Variants in RYR3 observed in about 807,000 individuals in gnomAD.
RYR3 encodes the protein brain ryanodine receptor-calcium release channel.
In RYR3, 207 loss-of-function variants were observed where a neutral mutation model predicts 584.3. The observed-to-expected ratio is 0.35, with a 90% CI of 0.32 to 0.40. The LOEUF is 0.40. Ranked by LOEUF, RYR3 falls within the 10% of genes least tolerant of loss-of-function variation. RYR3 has a pLI of 1.00. For missense variants in RYR3, 5,616 were observed against 6,089.2 expected, an observed-to-expected ratio of 0.92 and a Z score of 2.59; for synonymous variants, 2,416 against 2,248.5, an observed-to-expected ratio of 1.07 and a Z score of -2.11.
chr15:33,360,868 C>G (rs1472452370), intron 1 of RYR3, among the ~76,000 whole-genome samples: 1 of 152,234 alleles, frequency 6.6e-6, no homozygotes, highest in Admixed American at 6.5e-5. Flanking sequence ...GTGGCCAGCC[C>G]TCTGCTCCTG....
chr15:33,820,017 T>C (rs946580899), intron 77 of RYR3, among the ~76,000 whole-genome samples: 2 of 152,162 alleles, frequency 1.3e-5, no homozygotes, highest in African/African-American at 4.8e-5. Context: ...GCAGAAACAA[T>C]GGGTGCTGGT....
chr15:33,402,852 C>T (rs1489889708), intron 1 of RYR3, among the ~76,000 whole-genome samples: 1 of 152,166 alleles, frequency 6.6e-6, no homozygotes, highest in Non-Finnish European at 1.5e-5. Context: ...CCTTATGGGG[C>T]CAGGACTAAT....
At chr15:33,734,201 T>C (rs72713284) in intron 48 of RYR3, among the ~76,000 whole-genome samples, 3,196 of 152,310 alleles carry the variant, frequency 0.021, 57 homozygotes, top group Middle Eastern at 0.058. Flanking sequence ...CCTAATATTA[T>C]GTTACTGCTT....
At chr15:33,510,585 T>C (rs1397980840) in intron 3 of RYR3, among the ~76,000 whole-genome samples, 1 of 150,830 alleles carries the variant, frequency 6.6e-6, no homozygotes, top group East Asian at 1.9e-4. Context: ...ATTGAGTACA[T>C]AATTTTAATT....
intron 43 of RYR3, among the ~76,000 whole-genome samples, chr15:33,716,216 T>C (rs2067485917): frequency 6.6e-6 from 1 of 152,228 alleles, no homozygotes; most frequent in South Asian, 2.1e-4. Context: ...AATGAGCCAA[T>C]TAAACCTCTT....
intron 1 of RYR3, among the ~76,000 whole-genome samples, chr15:33,421,808 A>G (rs1025445956): frequency 3.3e-5 from 5 of 152,214 alleles, no homozygotes; most frequent in African/African-American, 1.2e-4. Flanking sequence ...TCTGTTAGGT[A>G]GAACTTCAGA....
intron 52 of RYR3, among the ~76,000 whole-genome samples, chr15:33,744,246 T>C (rs1225827196): frequency 1.3e-5 from 2 of 152,212 alleles, no homozygotes; most frequent in Admixed American, 6.5e-5. Context: ...CTTGTTCTTC[T>C]CTTTCATAGT....
At chr15:33,590,058 AC>A (rs2059051659) in intron 16 of RYR3, among the ~76,000 whole-genome samples, 6 of 152,114 alleles carry the variant, frequency 3.9e-5, no homozygotes, top group Admixed American at 3.9e-4. Context: ...GTGGAAAATT[AC>A]AGTCAAAGGG....
At chr15:33,745,220 A>C (rs1341322432) in intron 52 of RYR3, among the ~76,000 whole-genome samples, 1 of 152,080 alleles carries the variant, frequency 6.6e-6, no homozygotes, top group African/African-American at 2.4e-5. Flanking sequence ...ACCCACGAGG[A>C]GACATGTAGA....
At chr15:33,660,017 A>T (rs1021040809) in intron 33 of RYR3, among the ~76,000 whole-genome samples, 180 bp from the exon 34 acceptor site, 6 of 152,208 alleles carry the variant, frequency 3.9e-5, no homozygotes, top group African/African-American at 1.2e-4. Context: ...TGCTGAAAGA[A>T]TCAATTAATG....
At position 33,747,376 on chromosome 15, in the gene RYR3, C is replaced by CTTT. The variant is rs34350928; in HGVS notation, c.7990-723_7990-721dup. Among the ~76,000 whole-genome samples, 518 of 95,080 alleles carry CTTT rather than the reference C, an allele frequency of 5.4e-3. 15 individuals are homozygous for CTTT. Among genetic ancestry groups the CTTT allele is most frequent in the Middle Eastern group, 0.016 (2 of 124 alleles). 62.4% of individuals were successfully genotyped at this position (95,080 alleles called of 152,430 possible). A position where few individuals can be genotyped will look rare whatever the true frequency, so the allele number is the denominator to read the frequency against. On this transcript the variant is annotated intron_variant, in intron 53 of 103. Transcript: ENST00000634891. Reference sequence around the variant, plus strand: ...ATTGTACATAGACCAAAAGAGAAATCTTTTTTTTTTTTTTTTTGAGACGGA... The same window carrying CTTT: ...ATTGTACATAGACCAAAAGAGAAATCTTTTTTTTTTTTTTTTTTTTGAGACGGA...
chr15:33,386,560 G>C (rs539063824), intron 1 of RYR3, among the ~76,000 whole-genome samples: 4 of 152,078 alleles, frequency 2.6e-5, no homozygotes, highest in African/African-American at 9.7e-5. Flanking sequence ...AAAAATCATC[G>C]TAACCATTTT....
intron 10 of RYR3, among the ~76,000 whole-genome samples, chr15:33,556,640 T>C (rs1292849773): frequency 6.6e-6 from 1 of 152,216 alleles, no homozygotes; most frequent in Non-Finnish European, 1.5e-5. Flanking sequence ...CAATATGAGC[T>C]TGAGAAACAT....
At chr15:33,850,835 T>C (rs899315100) in intron 94 of RYR3, 2 of 152,216 alleles carry the variant, frequency 1.3e-5, no homozygotes, top group Non-Finnish European at 2.9e-5. Context: ...TATCTACATT[T>C]TTGATGTTCA....
chr15:33,653,081 T>A (rs1566880202), intron 32 of RYR3, among the ~76,000 whole-genome samples, 198 bp downstream of exon 32: 2 of 152,216 alleles, frequency 1.3e-5, no homozygotes, highest in African/African-American at 4.8e-5. Context: ...GGCTGGGCAA[T>A]CATAGTTATT....
At position 33,860,885 on chromosome 15, in the gene RYR3, C is replaced by G. The variant is rs186215797; in HGVS notation, c.14365-193C>G. ...GGAGGGAGCAGTATCCTCAGCTAATCAGGAGCTAAGTGTATGGCACTACTG... is the reference window on the plus strand; with the variant it reads ...GGAGGGAGCAGTATCCTCAGCTAATGAGGAGCTAAGTGTATGGCACTACTG... On this transcript the variant is annotated intron_variant, in intron 101 of 103. Coordinates refer to ENST00000634891, the MANE Select transcript of RYR3 (RefSeq NM_001036.6). Among the ~76,000 whole-genome samples the G allele has an allele frequency of 2.6e-4, 39 of 152,028 alleles. No homozygotes were observed. In the East Asian group the frequency reaches 4.1e-3, roughly 16 times the overall value.
rs992918327 is a variant in RYR3 at position 33,390,579 on chromosome 15, A to C, written c.51+79483A>C. Reference sequence around the variant, plus strand: ...GGAGAGAAGAGTTAACAAAGCAGGCATGAGGAGGCTATGTTTAGAAGGGTC... The same window carrying C: ...GGAGAGAAGAGTTAACAAAGCAGGCCTGAGGAGGCTATGTTTAGAAGGGTC... On this transcript the variant is annotated intron_variant, in intron 1 of 103. Coordinates refer to ENST00000634891, the MANE Select transcript of RYR3 (RefSeq NM_001036.6). The surrounding 1 kb of genome is among the most constrained non-coding windows in gnomAD (Gnocchi z 4.2). 6.6e-6 allele frequency among the ~76,000 whole-genome samples: 1 copy of C among 152,186 alleles called. No homozygotes were observed. Among genetic ancestry groups the C allele is most frequent in the African/African-American group, 2.4e-5 (1 of 41,452 alleles).
At position 33,848,476 on chromosome 15, in the gene RYR3, G is replaced by A. The variant is rs28588991; in HGVS notation, c.13628+55G>A. On this transcript the variant is annotated intron_variant, in intron 94 of 103. Coordinates refer to ENST00000634891, the MANE Select transcript of RYR3 (RefSeq NM_001036.6). The stretch of plus-strand genomic sequence containing the variant: ...GGAGATGGAGTCTCTACTGTAAATA[G>A]AGTAACTCTTTCCTCCTGGCCTTAA... The A allele has an allele frequency of 5.6e-5, 87 of 1,545,874 alleles. No individual in the cohort carries two copies. The African/African-American group carries it at 1.1e-3, about 20-fold the overall frequency.
intron 3 of RYR3, among the ~76,000 whole-genome samples, chr15:33,518,100 T>G (rs374757455): frequency 6.6e-6 from 1 of 152,250 alleles, no homozygotes; most frequent in East Asian, 1.9e-4. Context: ...ATAGCCTGCC[T>G]TGGCTCAAGT....
Sources: allele counts gnomAD v4.1 joint callset (sites outside exome capture counted in the v4.1 genomes callset), GRCh38; gene constraint gnomAD v4.1.1; non-coding constraint Gnocchi (gnomAD v3.1); transcripts MANE v1.5; gene names NCBI Gene and HGNC (gene_info 2026-07-23, HGNC 2026-07-21).